The following TSPAN14 variants were observed in gnomAD, a reference collection of about 807,000 sequenced individuals.
TSPAN14 encodes tetraspanin-14.
TSPAN14 carries 16 observed loss-of-function variants against 36.6 expected under a neutral mutation model. That is an observed-to-expected ratio of 0.44 (90% CI 0.30 to 0.66). The LOEUF (loss-of-function observed/expected upper bound fraction) is 0.66. TSPAN14 is among the 30% of genes least tolerant of loss of function. The pLI is 0.12. For synonymous variants in TSPAN14, 139 were observed against 143.8 expected, an observed-to-expected ratio of 0.97 and a Z score of 0.24; for missense variants, 231 against 355.1, an observed-to-expected ratio of 0.65 and a Z score of 2.81.
At chr10:80,496,284 C>T (rs1382763960) in intron 2 of TSPAN14, among the ~76,000 whole-genome samples, 1 of 151,952 alleles carries the variant, frequency 6.6e-6, no homozygotes, top group African/African-American at 2.4e-5. Flanking sequence ...GATTTTTTTC[C>T]TAATATAAAT....
chr10:80,509,720 A>AC lies in TSPAN14; in HGVS notation c.450+255dup. 2 of 473,234 alleles carry AC rather than the reference A, an allele frequency of 4.2e-6. No homozygotes were observed. The highest frequency in any genetic ancestry group is 2.6e-5 in the South Asian group (1 of 38,110). The allele number at this position is 473,234 out of a possible 1,614,324, so 29.3% of individuals were successfully genotyped here. A position where few individuals can be genotyped will look rare whatever the true frequency, so the allele number is the denominator to read the frequency against. On this transcript the variant is annotated intron_variant, in intron 5 of 8. Coordinates refer to ENST00000429989, the Ensembl canonical transcript of TSPAN14. This position sits in a 1 kb window ranked among gnomAD's most constrained non-coding sequence, Gnocchi z 4.7. ...AGTCCAGCTGTACCCGAGGCCACCC[A>AC]CCCCCCACGTGCCCGGCCCTCCTCT... is the stretch of plus-strand genomic sequence containing the variant.
chr10:80,501,286 CTT>C (rs36008947), intron 2 of TSPAN14, among the ~76,000 whole-genome samples: 57,401 of 120,590 alleles, frequency 0.48, 13,560 homozygotes, highest in East Asian at 0.82. Flanking sequence ...TTTAGAAAAC[CTT>C]TTTTTTTTTT....
intron 1 of TSPAN14, among the ~76,000 whole-genome samples, chr10:80,455,012 TTG>T (rs1257025156): frequency 1.3e-5 from 2 of 151,502 alleles, no homozygotes; most frequent in Admixed American, 6.6e-5. Flanking sequence ...TCGTGTGGGG[TTG>T]TGTTTGGGAG....
At chr10:80,461,883 T>G (rs1845987155) in intron 1 of TSPAN14, among the ~76,000 whole-genome samples, 1 of 151,178 alleles carries the variant, frequency 6.6e-6, no homozygotes, top group Non-Finnish European at 1.5e-5. Context: ...GGTGCCAGTA[T>G]GGTTCTCACT....
chr10:80,475,788 T>C (rs1168973630), intron 1 of TSPAN14, among the ~76,000 whole-genome samples: 1 of 152,194 alleles, frequency 6.6e-6, no homozygotes, highest in Non-Finnish European at 1.5e-5. Context: ...GGTTTCACCA[T>C]CTTGGCCAGG....
intron 1 of TSPAN14, among the ~76,000 whole-genome samples, chr10:80,461,835 A>C (rs922547667): frequency 7.6e-5 from 11 of 144,086 alleles, no homozygotes; most frequent in Middle Eastern, 3.5e-3. Flanking sequence ...GCTTGCACTG[A>C]GCCACCGAGA....
At chr10:80,478,688 C>T (rs1013809331) in intron 1 of TSPAN14, among the ~76,000 whole-genome samples, 5 of 152,202 alleles carry the variant, frequency 3.3e-5, no homozygotes, top group African/African-American at 1.2e-4. Context: ...GTGATGCCTT[C>T]ATCATGCTCA....
At chr10:80,466,904 G>A (rs1778931751) in intron 1 of TSPAN14, among the ~76,000 whole-genome samples, 1 of 152,152 alleles carries the variant, frequency 6.6e-6, no homozygotes, top group East Asian at 1.9e-4. Context: ...ATCATGAAAC[G>A]GGCTTACAGG....
intron 7 of TSPAN14, 66 bp downstream of exon 7, chr10:80,514,129 T>A: frequency 6.8e-7 from 1 of 1,460,336 alleles, no homozygotes; most frequent in African/African-American, 1.4e-5. Context: ...TTCAACATTC[T>A]GATTTAGCAC....
intron 1 of TSPAN14, among the ~76,000 whole-genome samples, chr10:80,482,822 G>A (rs1448476765): frequency 7.6e-6 from 1 of 131,674 alleles, no homozygotes; most frequent in African/African-American, 2.9e-5. Flanking sequence ...TGCAACCCCC[G>A]CCTCTCTGGT....
rs2132053137 is a variant in TSPAN14 at position 80,509,977 on chromosome 10, AT to A, written c.450+507del. The A allele has an allele frequency of 6.3e-6, 1 of 159,886 alleles. No individual in the cohort carries two copies. The highest frequency in any genetic ancestry group is 5.9e-5 in the Admixed American group (1 of 16,884). The allele number at this position is 159,886 out of a possible 1,614,324, so 9.9% of individuals were successfully genotyped here. A position where few individuals can be genotyped will look rare whatever the true frequency, so the allele number is the denominator to read the frequency against. ...AGGAAGCTTTGTCAGATCTAGTGGA[AT>A]GTGACCTCCCTGGAATATGTGCCCA... On this transcript the variant is annotated intron_variant, in intron 5 of 8. Transcript: ENST00000429989. The surrounding 1 kb of genome is among the most constrained non-coding windows in gnomAD (Gnocchi z 4.7).
At chr10:80,460,963 G>A (rs1364855427) in intron 1 of TSPAN14, among the ~76,000 whole-genome samples, 3 of 152,118 alleles carry the variant, frequency 2.0e-5, no homozygotes, top group Non-Finnish European at 4.4e-5. Context: ...TGCTGTGGGG[G>A]ATCTCTTCCT....
intron 5 of TSPAN14, among the ~76,000 whole-genome samples, chr10:80,511,760 CTCTCT>C (rs1840658518): frequency 7.3e-6 from 1 of 136,820 alleles, no homozygotes; most frequent in African/African-American, 2.9e-5. Context: ...CTCTCTCTCT[CTCTCT>C]CTCTCTCCCC....
At chr10:80,472,955 G>A (rs1787898871) in intron 1 of TSPAN14, among the ~76,000 whole-genome samples, 1 of 152,122 alleles carries the variant, frequency 6.6e-6, no homozygotes, top group African/African-American at 2.4e-5. Flanking sequence ...GAGCCGTTCT[G>A]CTGTCCTGTG....
intron 3 of TSPAN14, among the ~76,000 whole-genome samples, chr10:80,506,459 T>G (rs899842045): frequency 2.6e-5 from 4 of 152,318 alleles, no homozygotes; most frequent in Non-Finnish European, 5.9e-5. Flanking sequence ...GATCAGTGAC[T>G]GGAAGGGGGG....
chr10:80,507,265 A>G lies in TSPAN14; in HGVS notation c.170A>G (p.His57Arg), dbSNP rs748511567. ...GACCTCACCAAAGTGACCCGGATGCATGGAATCGACCCTGTGGTGCTGGTC... is the reference window on the plus strand; with the variant it reads ...GACCTCACCAAAGTGACCCGGATGCGTGGAATCGACCCTGTGGTGCTGGTC... The change falls in exon 4 of 9, where the codon CAT (histidine) becomes CGT (arginine). Residue 57 changes from histidine (H) to arginine (R), a missense_variant. Coordinates refer to ENST00000429989, the Ensembl canonical transcript of TSPAN14. 3 of 1,614,174 alleles carry G rather than the reference A, an allele frequency of 1.9e-6. No individual in the cohort carries two copies. The highest frequency in any genetic ancestry group is 1.7e-5 in the Admixed American group (1 of 60,028).
chr10:80,482,923 T>C (rs1404516896), intron 1 of TSPAN14, among the ~76,000 whole-genome samples: 1 of 149,876 alleles, frequency 6.7e-6, no homozygotes, highest in African/African-American at 2.5e-5. Flanking sequence ...TTAGTAGAGA[T>C]GGGGTTTCAC....
At chr10:80,489,352 C>T (rs7902355) in intron 2 of TSPAN14, 38 bp downstream of exon 2, 304,911 of 1,306,214 alleles carry the variant, frequency 0.23, 38,797 homozygotes, top group South Asian at 0.33. Flanking sequence ...CTTGTTTAGT[C>T]CTTCATTCAG....
At chr10:80,458,792 G>A (rs1589228987) in intron 1 of TSPAN14, among the ~76,000 whole-genome samples, 1 of 152,162 alleles carries the variant, frequency 6.6e-6, no homozygotes, top group South Asian at 2.1e-4. Context: ...GACAGGGCAA[G>A]TAGCCATTTT....
Sources: gnomAD v4.1 joint callset for allele counts (sites outside exome capture counted in the v4.1 genomes callset) on GRCh38, gnomAD v4.1.1 for gene constraint, Gnocchi (gnomAD v3.1) non-coding constraint, MANE v1.5 for transcripts, NCBI Gene and HGNC (gene_info 2026-07-23, HGNC 2026-07-21) for gene names.